The following WDR70 variants were observed in gnomAD, a reference collection of about 807,000 sequenced individuals.
WDR70 encodes WD repeat-containing protein 70.
WDR70 carries 53 observed loss-of-function variants against 88.6 expected under a neutral mutation model. That is an observed-to-expected ratio of 0.60 (90% CI 0.48 to 0.75). The LOEUF is 0.75. WDR70 is among the 30% of genes least tolerant of loss of function. The probability of loss-of-function intolerance (pLI) is 0.00; values close to 1 mark genes in which losing one functional copy is unlikely to be tolerated. For synonymous variants in WDR70, 280 were observed against 270.0 expected (o/e 1.04, Z -0.36); for missense variants, 610 against 823.2 (o/e 0.74, Z 3.17).
chr5:37,488,802 C>T (rs1739975099), intron 8 of WDR70, among the ~76,000 whole-genome samples: 1 of 152,070 alleles, frequency 6.6e-6, no homozygotes, highest in Admixed American at 6.6e-5. Context: ...TTTCTTTTCG[C>T]TGGAATCTGT....
At chr5:37,401,497 A>T (rs1318686405) in intron 5 of WDR70, among the ~76,000 whole-genome samples, 3 of 151,276 alleles carry the variant, frequency 2.0e-5, no homozygotes, top group South Asian at 2.1e-4. Flanking sequence ...TTGTATTTTT[A>T]GTAGAGACGG....
At chr5:37,609,745 G>A (rs577985470) in intron 10 of WDR70, among the ~76,000 whole-genome samples, 5 of 152,270 alleles carry the variant, frequency 3.3e-5, no homozygotes, top group African/African-American at 9.6e-5. Flanking sequence ...CAAGAAAGCC[G>A]CAAGATTTCC....
intron 9 of WDR70, among the ~76,000 whole-genome samples, chr5:37,601,214 G>A (rs1034713661): frequency 1.3e-5 from 2 of 152,108 alleles, no homozygotes; most frequent in Non-Finnish European, 2.9e-5. Flanking sequence ...CACCTATTTT[G>A]TTGTGAGTTT....
intron 10 of WDR70, among the ~76,000 whole-genome samples, chr5:37,606,961 CAG>C (rs993221178): frequency 1.6e-5 from 2 of 127,018 alleles, no homozygotes; most frequent in African/African-American, 5.9e-5. Flanking sequence ...TCTTTTTTGA[CAG>C]AGTCTTTCTC....
rs566654962 is a variant in WDR70 at position 37,650,226 on chromosome 5, T to C, written c.1092+44988T>C. On this transcript the variant is annotated intron_variant, in intron 10 of 17. Coordinates refer to ENST00000265107, the MANE Select transcript of WDR70 (RefSeq NM_018034.4). ...TCCTGGCTAACACAGTGAAACCCCG[T>C]CTCTACTAAAAATACAAAAACAAAA... Among the ~76,000 whole-genome samples, 9 of 150,454 alleles carry C rather than the reference T, an allele frequency of 6.0e-5. No individual in the cohort carries two copies. In the South Asian group the frequency reaches 1.9e-3, roughly 32 times the overall value.
intron 17 of WDR70, among the ~76,000 whole-genome samples, chr5:37,728,901 G>C (rs1037124063): frequency 6.6e-6 from 1 of 151,990 alleles, no homozygotes; most frequent in African/African-American, 2.4e-5. Flanking sequence ...CTTTTCTTCT[G>C]TGTTTATTAA....
chr5:37,416,950 A>G (rs1466848384), intron 5 of WDR70, among the ~76,000 whole-genome samples: 2 of 152,188 alleles, frequency 1.3e-5, no homozygotes, highest in Non-Finnish European at 2.9e-5. Context: ...AATTATGTCA[A>G]AAGTGTGCAG....
chr5:37,438,123 T>G, intron 6 of WDR70, 142 bp downstream of exon 6: 1 of 572,894 alleles, frequency 1.7e-6, no homozygotes, highest in Non-Finnish European at 2.7e-6. Flanking sequence ...GAAAAATAGA[T>G]TACTTTTATG....
In WDR70 at chr5:37,409,642, T is replaced by C. The variant is rs977032853; in HGVS notation, c.492+13072T>C. Among the ~76,000 whole-genome samples the C allele has an allele frequency of 1.1e-4, 17 of 152,098 alleles. No individual in the cohort carries two copies. In the South Asian group the frequency reaches 2.1e-3, roughly 19 times the overall value. ...GCCTCAGCTTCCCGAGTAACTGGGA[T>C]TACAGGTGTGTGCCAGGATGCCCGG... On this transcript the variant is annotated intron_variant, in intron 5 of 17. Transcript: ENST00000265107.
intron 9 of WDR70, among the ~76,000 whole-genome samples, chr5:37,584,021 G>C (rs1393584638): frequency 6.6e-6 from 1 of 152,178 alleles, no homozygotes; most frequent in Non-Finnish European, 1.5e-5. Flanking sequence ...GAAGTAGACA[G>C]TAATGTGCCA....
At position 37,384,439 on chromosome 5, in the gene WDR70, T is replaced by G. The variant is rs566682667; in HGVS notation, c.175+2754T>G. Among the ~76,000 whole-genome samples, 31 of 151,722 alleles carry G rather than the reference T, an allele frequency of 2.0e-4. No homozygotes were observed. The South Asian group carries it at 6.0e-3, about 30-fold the overall frequency. On this transcript the variant is annotated intron_variant, in intron 3 of 17. Transcript: ENST00000265107. Reference sequence around the variant, plus strand: ...ATCCCAGCACTTTGGGAGGGGCGGATCACGAGGTCAGGAGATTGAGACCAT... The same window carrying G: ...ATCCCAGCACTTTGGGAGGGGCGGAGCACGAGGTCAGGAGATTGAGACCAT...
chr5:37,577,209 A>T (rs1347664814), intron 9 of WDR70, among the ~76,000 whole-genome samples: 1 of 152,226 alleles, frequency 6.6e-6, no homozygotes, highest in Non-Finnish European at 1.5e-5. Flanking sequence ...TTTGAAGCTG[A>T]CAGAATAAAA....
At chr5:37,524,340 A>G (rs2112283547) in intron 9 of WDR70, among the ~76,000 whole-genome samples, 1 of 152,336 alleles carries the variant, frequency 6.6e-6, no homozygotes, top group South Asian at 2.1e-4. Context: ...ATTCTTAAAG[A>G]AAAGAATTTT....
At chr5:37,650,519 G>T (rs1745372587) in intron 10 of WDR70, among the ~76,000 whole-genome samples, 1 of 152,132 alleles carries the variant, frequency 6.6e-6, no homozygotes, top group Admixed American at 6.5e-5. Context: ...GTACATTAAT[G>T]AAAAAATAGG....
intron 10 of WDR70, among the ~76,000 whole-genome samples, chr5:37,696,122 A>G (rs1401438162): frequency 6.6e-6 from 1 of 152,078 alleles, no homozygotes; most frequent in East Asian, 1.9e-4. Flanking sequence ...TTTAGAAGCT[A>G]TGTTTATCTG....
chr5:37,433,360 C>G (rs899907640), intron 5 of WDR70, among the ~76,000 whole-genome samples: 1 of 152,130 alleles, frequency 6.6e-6, no homozygotes, highest in Admixed American at 6.5e-5. Context: ...CGTGCCTGGC[C>G]TAAAATCTCA....
In WDR70 at chr5:37,489,379, G is replaced by A. The variant is rs1263362726; in HGVS notation, c.840+9392G>A. ...TTGGTGATGGCAGTATAGTGGCAGG[G>A]CAACACCTGGGCTTCCAGGTAGCAC... On this transcript the variant is annotated intron_variant, in intron 8 of 17. Transcript: ENST00000265107. Among the ~76,000 whole-genome samples, 3 of 152,136 alleles carry A rather than the reference G, an allele frequency of 2.0e-5. No individual in the cohort carries two copies. The East Asian group carries it at 5.8e-4, about 29-fold the overall frequency.
intron 17 of WDR70, among the ~76,000 whole-genome samples, chr5:37,742,263 G>GTTTT (rs549421990): frequency 8.1e-6 from 1 of 123,676 alleles, no homozygotes; most frequent in African/African-American, 2.9e-5. Context: ...ATTATCTGTT[G>GTTTT]TTTTTTTTTT....
chr5:37,588,867 C>T (rs957412825), intron 9 of WDR70, among the ~76,000 whole-genome samples: 3 of 151,934 alleles, frequency 2.0e-5, no homozygotes, highest in Admixed American at 6.6e-5. Context: ...CAGGTTCAAG[C>T]GATTCTCTTG....
Sources: gnomAD v4.1 joint callset for allele counts (sites outside exome capture counted in the v4.1 genomes callset) on GRCh38, gnomAD v4.1.1 for gene constraint, MANE v1.5 for transcripts, NCBI Gene and HGNC (gene_info 2026-07-23, HGNC 2026-07-21) for gene names.